The following RANBP3 variants were observed in gnomAD, a reference collection of about 807,000 sequenced individuals.
RANBP3 encodes ran-binding protein 3.
RANBP3 carries 14 observed loss-of-function variants against 77.3 expected under a neutral mutation model. The observed-to-expected ratio is 0.18, with a 90% CI of 0.12 to 0.28. RANBP3 has a LOEUF of 0.28. RANBP3 is among the 10% of genes least tolerant of loss of function. The probability of loss-of-function intolerance (pLI) is 1.00; values close to 1 mark genes in which losing one functional copy is unlikely to be tolerated. For missense variants in RANBP3, 586 were observed against 752.3 expected (o/e 0.78, Z 2.59); for synonymous variants, 315 against 312.4 (o/e 1.01, Z -0.09).
chr19:5,947,214 T>C (rs918059087), intron 3 of RANBP3, among the ~76,000 whole-genome samples: 13 of 150,664 alleles, frequency 8.6e-5, no homozygotes, highest in Non-Finnish European at 1.8e-4. Flanking sequence ...CTCGGGAGGC[T>C]GAGTCAGGAG....
At chr19:5,922,667 T>A (rs369258092) in intron 13 of RANBP3, among the ~76,000 whole-genome samples, 2 of 152,186 alleles carry the variant, frequency 1.3e-5, no homozygotes, top group African/African-American at 4.8e-5. Context: ...GGGCTGGGCG[T>A]GGTGGCTCAC....
At chr19:5,946,027 T>G (rs2058199955) in intron 3 of RANBP3, among the ~76,000 whole-genome samples, 1 of 152,084 alleles carries the variant, frequency 6.6e-6, no homozygotes, top group Admixed American at 6.5e-5. Flanking sequence ...TCTGGCCATG[T>G]GGCCTCCTGT....
intron 3 of RANBP3, among the ~76,000 whole-genome samples, chr19:5,943,413 T>C (rs2058164959): frequency 6.6e-6 from 1 of 152,216 alleles, no homozygotes; most frequent in Admixed American, 6.5e-5. Flanking sequence ...GGCCAGACTG[T>C]CGGTACTGCT....
At position 5,961,450 on chromosome 19, in the gene RANBP3, C is replaced by T. The variant is rs144741488; in HGVS notation, c.23-3477G>A. Among the ~76,000 whole-genome samples, 236 of 145,866 alleles carry T rather than the reference C, an allele frequency of 1.6e-3. 3 individuals carry two copies. In the East Asian group the frequency reaches 0.045, roughly 28 times the overall value. On this transcript the variant is annotated intron_variant, in intron 1 of 16. Coordinates refer to ENST00000340578, the MANE Select transcript of RANBP3 (RefSeq NM_007322.3). The stretch of plus-strand genomic sequence containing the variant: ...CAAAACAAAACAAAAACTGCAGTGT[C>T]GGCCGGGCACAGTGGCTCATGCCTG...
chr19:5,967,627 T>G (rs1010819346), intron 1 of RANBP3, among the ~76,000 whole-genome samples: 1 of 152,080 alleles, frequency 6.6e-6, no homozygotes. Flanking sequence ...CTTCTAAGCT[T>G]CCACTCCTGC....
chr19:5,925,076 T>C (rs753074563), intron 10 of RANBP3, 171 bp from the exon 11 acceptor site: 143 of 671,882 alleles, frequency 2.1e-4, no homozygotes, highest in Middle Eastern at 3.9e-4. Flanking sequence ...CCCTGTGCCA[T>C]TGAAAACATT....
intron 14 of RANBP3, among the ~76,000 whole-genome samples, chr19:5,918,990 G>C (rs947760742): frequency 1.3e-5 from 2 of 152,264 alleles, no homozygotes; most frequent in Non-Finnish European, 2.9e-5. Context: ...GAGAAGGGGG[G>C]ATTAGAGAGG....
intron 13 of RANBP3, among the ~76,000 whole-genome samples, chr19:5,922,757 T>C (rs1055193107): frequency 3.3e-5 from 5 of 152,094 alleles, no homozygotes; most frequent in East Asian, 1.9e-4. Context: ...CTGGCCAACA[T>C]GGGGAAACCC....
chr19:5,973,879 G>T (rs985253683), intron 1 of RANBP3, among the ~76,000 whole-genome samples: 4 of 152,148 alleles, frequency 2.6e-5, no homozygotes, highest in African/African-American at 7.2e-5. Flanking sequence ...GTGTGGAAAC[G>T]GGGGGCTCAA....
intron 3 of RANBP3, among the ~76,000 whole-genome samples, chr19:5,947,085 G>A (rs771286290): frequency 3.3e-5 from 5 of 152,076 alleles, no homozygotes; most frequent in Admixed American, 6.6e-5. Context: ...AGGCCTGGGC[G>A]GGTGGATCAC....
At chr19:5,954,879 G>A (rs1344006990) in intron 2 of RANBP3, among the ~76,000 whole-genome samples, 1 of 152,180 alleles carries the variant, frequency 6.6e-6, no homozygotes, top group Non-Finnish European at 1.5e-5. Flanking sequence ...TCACTCCCCA[G>A]TGGCAGAAAG....
chr19:5,974,146 G>A (rs1205597727), intron 1 of RANBP3, among the ~76,000 whole-genome samples: 2 of 152,106 alleles, frequency 1.3e-5, no homozygotes, highest in African/African-American at 2.4e-5. Flanking sequence ...GGATGCTACC[G>A]TGCTGCTAAG....
intron 1 of RANBP3, among the ~76,000 whole-genome samples, chr19:5,977,705 A>G (rs2058612715): frequency 1.3e-5 from 2 of 152,200 alleles, no homozygotes; most frequent in South Asian, 4.1e-4. Context: ...GGCCACAACC[A>G]GGCCCTAAGG....
Position 5,917,834 on chromosome 19 carries a change from G to A in RANBP3, c.1620C>T (p.Asp540=), listed in dbSNP as rs1158139595. The change falls in exon 16 of 17, where the codon GAC becomes GAT. Residue 540 remains aspartate (D), a synonymous_variant. Coordinates refer to ENST00000340578, the MANE Select transcript of RANBP3 (RefSeq NM_007322.3). ...CTGAAGGAGCCAGGACATCGTCATC[G>A]TCGCTGTCGTCCTCCTCGTTGGATG... ...AAPSNEEDDS[D]DDDVLAPSGA... is the part of the protein sequence containing the mutation. 9.9e-6 allele frequency: 16 copies of A among 1,612,486 alleles called. No homozygotes were observed. Among genetic ancestry groups the A allele is most frequent in the Middle Eastern group, 1.7e-4 (1 of 6,056 alleles).
chr19:5,962,725 C>A, intron 1 of RANBP3: 1 of 456,080 alleles, frequency 2.2e-6, no homozygotes, highest in South Asian at 1.5e-5. Flanking sequence ...AAACACAGAG[C>A]GTCAGTTACT....
In RANBP3 at chr19:5,921,120, C is replaced by T. The variant is rs1026323281; in HGVS notation, c.1330+81G>A. ...ACAAGGGTAGGGTCAGGATCTCCCC[C>T]GCTTCATTCCCTTTGGAATTGCATA... On this transcript the variant is annotated intron_variant, in intron 14 of 16. Transcript: ENST00000340578. This position sits in a 1 kb window ranked among gnomAD's most constrained non-coding sequence, Gnocchi z 5.3. 36 of 1,501,772 alleles carry T rather than the reference C, an allele frequency of 2.4e-5. No homozygotes were observed. Among genetic ancestry groups the T allele is most frequent in the African/African-American group, 6.9e-5 (5 of 72,282 alleles). The allele number at this position is 1,501,772 out of a possible 1,614,324, so 93.0% of individuals were successfully genotyped here. A position where few individuals can be genotyped will look rare whatever the true frequency, so the allele number is the denominator to read the frequency against.
chr19:5,935,200 C>T (rs923274729), intron 5 of RANBP3, among the ~76,000 whole-genome samples: 1 of 152,212 alleles, frequency 6.6e-6, no homozygotes, highest in African/African-American at 2.4e-5. Flanking sequence ...CCCGCTGTGC[C>T]CCGGAGGCGC....
chr19:5,919,372 C>A (rs2057788041), intron 14 of RANBP3, among the ~76,000 whole-genome samples: 1 of 152,176 alleles, frequency 6.6e-6, no homozygotes, highest in Non-Finnish European at 1.5e-5. Context: ...AACTTGTCCC[C>A]CTGCCCTGGC....
At chr19:5,932,238 G>A (rs916099979) in intron 7 of RANBP3, among the ~76,000 whole-genome samples, 1 of 152,188 alleles carries the variant, frequency 6.6e-6, no homozygotes. Context: ...TGAGGAAGCT[G>A]TGGAGCCGCC....
Sources: gnomAD v4.1 joint callset for allele counts (sites outside exome capture counted in the v4.1 genomes callset) on GRCh38, gnomAD v4.1.1 for gene constraint, Gnocchi (gnomAD v3.1) non-coding constraint, MANE v1.5 for transcripts, NCBI Gene and HGNC (gene_info 2026-07-23, HGNC 2026-07-21) for gene names.